The following USP34 variants were observed in gnomAD, a reference collection of about 807,000 sequenced individuals.
The protein encoded by USP34 is ubiquitin carboxyl-terminal hydrolase 34.
Under a neutral mutation model 460.3 loss-of-function variants are expected in USP34, and 70 were observed. The ratio of observed to expected loss-of-function variants is 0.15; its 90% CI spans 0.13 to 0.19. The LOEUF (loss-of-function observed/expected upper bound fraction) is 0.19, where lower values mean the gene tolerates loss of function less well. USP34 is among the 10% of genes least tolerant of loss of function. The pLI, the probability that USP34 is intolerant of heterozygous loss-of-function variation, is 1.00. For missense variants in USP34, 3,985 were observed against 4,236.2 expected, an observed-to-expected ratio of 0.94 and a Z score of 1.65; for synonymous variants, 1,647 against 1,405.3, an observed-to-expected ratio of 1.17 and a Z score of -3.85.
At position 61,383,251 on chromosome 2, in the gene USP34, G is replaced by C. The variant is rs750485702; in HGVS notation, c.821+18C>G. Reference sequence around the variant, plus strand: ...TATTACACTGATAATCGGGGGTAAAGAAATTTTATAAACTTACCTAATAAC... The same window carrying C: ...TATTACACTGATAATCGGGGGTAAACAAATTTTATAAACTTACCTAATAAC... On this transcript the variant is annotated intron_variant, in intron 6 of 79. Transcript: ENST00000398571. 2 of 1,570,980 alleles carry C rather than the reference G, an allele frequency of 1.3e-6. No individual in the cohort carries two copies. The highest frequency in any genetic ancestry group is 2.2e-5 in the East Asian group (1 of 44,466).
intron 1 of USP34, among the ~76,000 whole-genome samples, chr2:61,456,268 T>C (rs1379109297): frequency 1.3e-5 from 2 of 152,204 alleles, no homozygotes; most frequent in South Asian, 4.1e-4. Context: ...AAGCACACTC[T>C]TAGTTATGAG....
intron 33 of USP34, among the ~76,000 whole-genome samples, chr2:61,292,807 A>G (rs1689901525): frequency 1.3e-5 from 2 of 152,200 alleles, no homozygotes; most frequent in African/African-American, 4.8e-5. Context: ...TATCATTATT[A>G]AGATTTAAAT....
At chr2:61,385,730 A>G (rs34635213) in intron 5 of USP34, among the ~76,000 whole-genome samples, 15,118 of 148,178 alleles carry the variant, frequency 0.1, 1,009 homozygotes, top group Non-Finnish European at 0.15. Flanking sequence ...GCAGTGACTC[A>G]GGCCTGTAAT....
intron 37 of USP34, among the ~76,000 whole-genome samples, chr2:61,282,623 T>C (rs963078520): frequency 1.3e-5 from 2 of 152,048 alleles, no homozygotes; most frequent in East Asian, 3.9e-4. Flanking sequence ...ACCCCGTCTC[T>C]ACAAAAAAGT....
intron 15 of USP34, 149 bp from the exon 16 acceptor site, chr2:61,344,178 G>A (rs993642616): frequency 1.8e-5 from 13 of 704,586 alleles, no homozygotes; most frequent in South Asian, 5.9e-5. Context: ...AGAGCTTTAC[G>A]AAACTGAAAA....
At chr2:61,345,718 T>C (rs1473649989) in intron 15 of USP34, among the ~76,000 whole-genome samples, 1 of 152,202 alleles carries the variant, frequency 6.6e-6, no homozygotes. Flanking sequence ...CACTGCAGTC[T>C]TGATCTCCTG....
chr2:61,429,990 G>A (rs1348160647), intron 1 of USP34, among the ~76,000 whole-genome samples: 2 of 152,108 alleles, frequency 1.3e-5, no homozygotes, highest in African/African-American at 4.8e-5. Context: ...GAGGCGGGTG[G>A]ATCACGAGGT....
At chr2:61,193,852 C>T (rs1686713685) in intron 75 of USP34, among the ~76,000 whole-genome samples, 1 of 152,210 alleles carries the variant, frequency 6.6e-6, no homozygotes, top group African/African-American at 2.4e-5. Context: ...GCTTTGTGGC[C>T]ATGCTCTGTT....
At chr2:61,287,552 TTCC>T (rs1689726085) in intron 34 of USP34, among the ~76,000 whole-genome samples, 1 of 152,188 alleles carries the variant, frequency 6.6e-6, no homozygotes, top group Non-Finnish European at 1.5e-5. Context: ...ACCCCTCACC[TTCC>T]TCCTCCTCTT....
intron 65 of USP34, 59 bp from the exon 66 acceptor site, chr2:61,221,665 G>T: frequency 6.7e-7 from 1 of 1,497,636 alleles, no homozygotes; most frequent in Non-Finnish European, 9.2e-7. Flanking sequence ...TCCTTCAGCA[G>T]AGAAGAAACA....
At chr2:61,236,271 GTAAGATTTT>G in intron 54 of USP34, 35 bp from the exon 55 acceptor site, 1 of 1,594,324 alleles carries the variant, frequency 6.3e-7, no homozygotes, top group Non-Finnish European at 8.5e-7. Flanking sequence ...AAATTCACAC[GTAAGATTTT>G]TTTAAAATGT....
chr2:61,399,343 CAAA>C (rs137914061), intron 3 of USP34, among the ~76,000 whole-genome samples: 3 of 89,920 alleles, frequency 3.3e-5, no homozygotes, highest in Non-Finnish European at 4.7e-5. Context: ...AACTCCGTCT[CAAA>C]AAAAAAAAAA....
chr2:61,416,328 T>C (rs1005641299), intron 2 of USP34, among the ~76,000 whole-genome samples: 3 of 152,158 alleles, frequency 2.0e-5, no homozygotes, highest in Non-Finnish European at 4.4e-5. Flanking sequence ...AAGTAAAAGC[T>C]TCAAACATTA....
chr2:61,211,689 T>G, intron 69 of USP34, 83 bp downstream of exon 69: 1 of 1,364,282 alleles, frequency 7.3e-7, no homozygotes, highest in Non-Finnish European at 9.6e-7. Context: ...TTCCCCAATG[T>G]AAATGATTTA....
intron 69 of USP34, among the ~76,000 whole-genome samples, chr2:61,209,527 C>T (rs905335490): frequency 3.3e-5 from 5 of 152,168 alleles, no homozygotes; most frequent in Non-Finnish European, 7.3e-5. Flanking sequence ...ACTTCATAGC[C>T]ATGGTAACAT....
chr2:61,305,724 A>G (rs1360410927), intron 27 of USP34, among the ~76,000 whole-genome samples: 1 of 152,210 alleles, frequency 6.6e-6, no homozygotes, highest in East Asian at 1.9e-4. Context: ...AAAGAAAGGC[A>G]GACTCATAAT....
At chr2:61,396,492 T>TTAA (rs2103907038) in intron 3 of USP34, among the ~76,000 whole-genome samples, 2 of 2,056 alleles carry the variant, frequency 9.7e-4, no homozygotes, top group Non-Finnish European at 2.6e-3. Flanking sequence ...TTCCAGCTAA[T>TTAA]TTTTTTTTTT....
rs949564964 is a variant in USP34, at chr2:61,329,481, G to C, written c.2930+1795C>G. ...TTAAAATAATACATCCTGTATAGAGGGAACTTTGTAAGCAAAGCTATGGAA... is the reference window on the plus strand; with the variant it reads ...TTAAAATAATACATCCTGTATAGAGCGAACTTTGTAAGCAAAGCTATGGAA... On this transcript the variant is annotated intron_variant, in intron 20 of 79. Transcript: ENST00000398571. Among the ~76,000 whole-genome samples the C allele has an allele frequency of 7.9e-5, 12 of 152,032 alleles. No individual in the cohort carries two copies. In the East Asian group the frequency reaches 2.1e-3, roughly 27 times the overall value.
chr2:61,291,757 G>A (rs1572905232), intron 33 of USP34, among the ~76,000 whole-genome samples: 3 of 152,234 alleles, frequency 2.0e-5, no homozygotes, highest in Non-Finnish European at 4.4e-5. Flanking sequence ...CTAAGCATAT[G>A]CCAAAAAGAA....
Sources: gnomAD v4.1 joint callset for allele counts (sites outside exome capture counted in the v4.1 genomes callset) on GRCh38, gnomAD v4.1.1 for gene constraint, MANE v1.5 for transcripts, NCBI Gene and HGNC (gene_info 2026-07-23, HGNC 2026-07-21) for gene names.